The following TRIM4 variants were observed in gnomAD, a reference collection of about 807,000 sequenced individuals.
TRIM4 encodes the protein tripartite motif containing 4.
Under a neutral mutation model 33.7 loss-of-function variants are expected in TRIM4, and 29 were observed. The ratio of observed to expected loss-of-function variants is 0.86; its 90% confidence interval spans 0.64 to 1.17. The LOEUF is 1.17. Among genes scored for constraint, TRIM4 ranks in the 50% most tolerant of loss-of-function variants. The probability of loss-of-function intolerance (pLI) is 0.00; values close to 1 mark genes in which losing one functional copy is unlikely to be tolerated. For missense variants in TRIM4, 554 were observed against 593.7 expected, an observed-to-expected ratio of 0.93 and a Z score of 0.69; for synonymous variants, 224 against 233.0, an observed-to-expected ratio of 0.96 and a Z score of 0.35.
intron 5 of TRIM4, among the ~76,000 whole-genome samples, chr7:99,897,584 C>A (rs1429637039): frequency 6.6e-6 from 1 of 152,058 alleles, no homozygotes; most frequent in East Asian, 1.9e-4. Context: ...AAAAAAAGAA[C>A]AAAAGATTTC....
chr7:99,902,033 G>C (rs1272051989), intron 5 of TRIM4: 5 of 735,596 alleles, frequency 6.8e-6, no homozygotes, highest in African/African-American at 1.7e-5. Context: ...CCCTCAGGCA[G>C]AGGGTAGGGC....
At chr7:99,913,002 T>A (rs1819479242) in intron 1 of TRIM4, among the ~76,000 whole-genome samples, 1 of 152,228 alleles carries the variant, frequency 6.6e-6, no homozygotes. Flanking sequence ...GTGGTCACTG[T>A]CAAATTTGAT....
At chr7:99,896,672 G>A (rs1368761463) in intron 5 of TRIM4, among the ~76,000 whole-genome samples, 3 of 152,232 alleles carry the variant, frequency 2.0e-5, no homozygotes, top group Non-Finnish European at 4.4e-5. Flanking sequence ...TTCCACGAGT[G>A]CCAAGACAAT....
chr7:99,893,967 C>CA (rs1385055705), intron 5 of TRIM4, among the ~76,000 whole-genome samples: 2 of 137,198 alleles, frequency 1.5e-5, no homozygotes, highest in Non-Finnish European at 3.2e-5. Flanking sequence ...CATGGTTTTC[C>CA]TTTTTTTTTT....
At chr7:99,910,627 T>C (rs559532549) in intron 1 of TRIM4, among the ~76,000 whole-genome samples, 2 of 152,336 alleles carry the variant, frequency 1.3e-5, no homozygotes, top group East Asian at 1.9e-4. Flanking sequence ...TGGAAGGATG[T>C]ATACCCAAGT....
chr7:99,911,434 A>G (rs1185051331), intron 1 of TRIM4, among the ~76,000 whole-genome samples: 1 of 152,184 alleles, frequency 6.6e-6, no homozygotes, highest in Non-Finnish European at 1.5e-5. Context: ...TGTAAGTCTC[A>G]CTATATGTCA....
At chr7:99,895,369 G>T (rs1371950716) in intron 5 of TRIM4, among the ~76,000 whole-genome samples, 1 of 152,108 alleles carries the variant, frequency 6.6e-6, no homozygotes, top group African/African-American at 2.4e-5. Flanking sequence ...GGGTTTCTAA[G>T]GATATTTTGA....
chr7:99,908,872 T>C, intron 2 of TRIM4, 60 bp from the exon 3 acceptor site: 1 of 1,480,636 alleles, frequency 6.8e-7, no homozygotes, highest in Non-Finnish European at 9.3e-7. Context: ...ACTAAATTCC[T>C]TACACAATTC....
At chr7:99,912,288 T>C (rs984913685) in intron 1 of TRIM4, among the ~76,000 whole-genome samples, 1 of 152,168 alleles carries the variant, frequency 6.6e-6, no homozygotes, top group African/African-American at 2.4e-5. Context: ...CCCAGCATTT[T>C]GGGAGGCCAA....
chr7:99,892,555 C>T lies in TRIM4; in HGVS notation c.1033G>A (p.Gly345Arg). The part of the protein sequence containing the change: ...ERFQHLPCVL[G>R]KNVFTSGKHY... ...TTCCCTGAGGTGAAAACGTTTTTTC[C>T]CAGAACACAGGGTAAGTGCTGAAAT... is the stretch of plus-strand genomic sequence containing the variant. Residue 345 changes from glycine (G) to arginine (R), a missense_variant, in exon 6 of 6, where the codon GGA becomes AGA. Gly to Arg is a moderately radical substitution (Grantham distance 125). Transcript: ENST00000349062. 6.2e-7 allele frequency: 1 copy of T among 1,614,110 alleles called. No homozygotes were observed. The highest frequency in any genetic ancestry group is 8.5e-7 in the Non-Finnish European group (1 of 1,180,010).
chr7:99,892,123 G>C lies in TRIM4; in HGVS notation c.*40C>G, dbSNP rs1342022172. Reference sequence around the variant, plus strand: ...GCCCAGGGATGTGTGTCCCTCAGCTGGACTACAGGGAAGGAGTTTTGGTCA... The same window carrying C: ...GCCCAGGGATGTGTGTCCCTCAGCTCGACTACAGGGAAGGAGTTTTGGTCA... On this transcript the variant is annotated 3_prime_UTR_variant, in exon 6 of 6. Transcript: ENST00000349062. The C allele has an allele frequency of 6.6e-6, 10 of 1,523,748 alleles. No individual in the cohort carries two copies. In the South Asian group the frequency reaches 1.2e-4, roughly 19 times the overall value. 94.4% of individuals were successfully genotyped at this position (1,523,748 alleles called of 1,614,324 possible).
intron 5 of TRIM4, among the ~76,000 whole-genome samples, chr7:99,895,784 A>G (rs74892548): frequency 2.6e-5 from 4 of 152,358 alleles, no homozygotes; most frequent in African/African-American, 9.6e-5. Context: ...TCATTAGGAT[A>G]TAACATTCTT....
rs1196133619 is a variant in TRIM4, at chr7:99,892,682, G to GT, written c.905dup (p.Tyr302Ter). The change falls in exon 6 of 6, where the codon TAC becomes TAAC. Residue 302 changes from tyrosine (Y) to a stop codon, truncating the protein, a stop_gained and frameshift_variant. Transcript: ENST00000349062. LOFTEE classifies it low-confidence loss of function (END_TRUNC). ...PKLVFSQEGR[Y>*]VKNTASASSW... Reference sequence around the variant, plus strand: ...AACTGGCTGATGCTGTATTTTTCACGTATCTCCCTTCCTGGGAGAAGACGA... The same window carrying GT: ...AACTGGCTGATGCTGTATTTTTCACGTTATCTCCCTTCCTGGGAGAAGACGA... 7.4e-6 allele frequency: 12 copies of GT among 1,613,944 alleles called. No individual in the cohort carries two copies. Among genetic ancestry groups the GT allele is most frequent in the African/African-American group, 2.7e-5 (2 of 74,902 alleles).
At position 99,890,408 on chromosome 7, in the gene TRIM4, A is replaced by G. The variant is rs1376637676; in HGVS notation, c.*1755T>C. 1 of 152,162 alleles carries G rather than the reference A, an allele frequency of 6.6e-6. No homozygotes were observed. Among genetic ancestry groups the G allele is most frequent in the Admixed American group, 6.5e-5 (1 of 15,284 alleles). The allele number at this position is 152,162 out of a possible 1,614,324, so 9.4% of individuals were successfully genotyped here. ...CCAAAGACATCATTCAACCATAGAG[A>G]CATATGCATGTATATATTCATTGCA... is the stretch of plus-strand genomic sequence containing the variant. On this transcript the variant is annotated 3_prime_UTR_variant, in exon 6 of 6. Transcript: ENST00000349062.
At position 99,892,132 on chromosome 7, in the gene TRIM4, G is replaced by C. The variant is rs545033661; in HGVS notation, c.*31C>G. 3 of 1,561,824 alleles carry C rather than the reference G, an allele frequency of 1.9e-6. No homozygotes were observed. The East Asian group carries it at 6.7e-5, about 35-fold the overall frequency. ...TGTGTGTCCCTCAGCTGGACTACAG[G>C]GAAGGAGTTTTGGTCAGGGGAAGAA... On this transcript the variant is annotated 3_prime_UTR_variant, in exon 6 of 6. Transcript: ENST00000349062.
intron 5 of TRIM4, among the ~76,000 whole-genome samples, chr7:99,896,015 A>T (rs1053274029): frequency 1.3e-5 from 2 of 151,942 alleles, no homozygotes; most frequent in African/African-American, 4.8e-5. Context: ...ATTTATAGTT[A>T]ATGTGATTAT....
At chr7:99,912,448 T>C (rs1255302952) in intron 1 of TRIM4, among the ~76,000 whole-genome samples, 1 of 151,724 alleles carries the variant, frequency 6.6e-6, no homozygotes, top group African/African-American at 2.4e-5. Context: ...TGAGAATCGC[T>C]TGAACCCAGA....
intron 5 of TRIM4, among the ~76,000 whole-genome samples, chr7:99,896,230 T>C (rs1490920828): frequency 6.6e-6 from 1 of 152,180 alleles, no homozygotes; most frequent in Admixed American, 6.5e-5. Flanking sequence ...AACTCAAGCA[T>C]ACCCTAACAA....
intron 5 of TRIM4, chr7:99,901,415 A>G (rs180845267): frequency 9.8e-5 from 15 of 152,312 alleles, no homozygotes; most frequent in African/African-American, 3.6e-4. Context: ...ATTATGGGTC[A>G]CTGCTTTCCT....
Sources: allele counts gnomAD v4.1 joint callset (sites outside exome capture counted in the v4.1 genomes callset), GRCh38; gene constraint gnomAD v4.1.1; transcripts MANE v1.5; gene names NCBI Gene and HGNC (gene_info 2026-07-23, HGNC 2026-07-21).